Variants in RGS17 observed in about 807,000 individuals in gnomAD.
RGS17 encodes regulator of G-protein signaling 17.
In RGS17, 12 loss-of-function variants were observed where a neutral mutation model predicts 25.5. That is an observed-to-expected ratio of 0.47 (90% CI 0.30 to 0.76). The LOEUF (loss-of-function observed/expected upper bound fraction) is 0.76. Ranked by LOEUF, RGS17 falls within the 30% of genes least tolerant of loss-of-function variation. The probability of loss-of-function intolerance (pLI) is 0.07; values close to 1 mark genes in which losing one functional copy is unlikely to be tolerated. For synonymous variants in RGS17, 71 were observed against 76.9 expected, an observed-to-expected ratio of 0.92 and a Z score of 0.40; for missense variants, 196 against 242.2, an observed-to-expected ratio of 0.81 and a Z score of 1.27.
chr6:153,026,298 G>T (rs1338269695), intron 3 of RGS17, among the ~76,000 whole-genome samples, 156 bp downstream of exon 3: 1 of 152,112 alleles, frequency 6.6e-6, no homozygotes, highest in African/African-American at 2.4e-5. Context: ...AAAAGCAACA[G>T]CAATGACAAA....
chr6:153,128,816 A>G (rs549208964), intron 1 of RGS17, among the ~76,000 whole-genome samples: 2 of 152,208 alleles, frequency 1.3e-5, no homozygotes, highest in Non-Finnish European at 2.9e-5. Context: ...GAAGAGCCCT[A>G]CAACCAAAGA....
At chr6:153,082,280 C>T (rs1034157194) in intron 1 of RGS17, among the ~76,000 whole-genome samples, 3 of 152,102 alleles carry the variant, frequency 2.0e-5, no homozygotes, top group African/African-American at 7.2e-5. Flanking sequence ...AAACTGTTGG[C>T]TATTAGTTCT....
At chr6:153,110,114 C>T (rs535804775) in intron 1 of RGS17, among the ~76,000 whole-genome samples, 6 of 152,246 alleles carry the variant, frequency 3.9e-5, no homozygotes, top group East Asian at 1.9e-4. Context: ...TTGCTTTTCA[C>T]GGCCAAGAAG....
intron 4 of RGS17, among the ~76,000 whole-genome samples, chr6:153,020,434 TG>T (rs1237381359): frequency 6.6e-6 from 1 of 151,868 alleles, no homozygotes; most frequent in Non-Finnish European, 1.5e-5. Context: ...ATTACAGGTG[TG>T]AGCCACCGCG....
At chr6:153,042,224 A>G (rs1460292903) in intron 2 of RGS17, among the ~76,000 whole-genome samples, 3 of 152,182 alleles carry the variant, frequency 2.0e-5, no homozygotes, top group Non-Finnish European at 4.4e-5. Context: ...TCCATCTTAA[A>G]TTATTAAGGC....
chr6:153,070,285 C>A (rs1256237637), intron 1 of RGS17, among the ~76,000 whole-genome samples: 3 of 151,800 alleles, frequency 2.0e-5, no homozygotes, highest in Non-Finnish European at 4.4e-5. Context: ...CATGGAAGAG[C>A]ACTGGTAATG....
intron 2 of RGS17, among the ~76,000 whole-genome samples, chr6:153,031,806 T>C (rs1484074649): frequency 6.6e-6 from 1 of 152,164 alleles, no homozygotes; most frequent in Non-Finnish European, 1.5e-5. Context: ...TATCACTCCA[T>C]AGGAGCTGTT....
chr6:153,013,330 CTTAA>C (rs1779153104), intron 4 of RGS17, among the ~76,000 whole-genome samples: 1 of 152,118 alleles, frequency 6.6e-6, no homozygotes. Flanking sequence ...TTAATTAATT[CTTAA>C]TTGATGACTA....
intron 4 of RGS17, among the ~76,000 whole-genome samples, chr6:153,021,304 T>C (rs1051583962): frequency 3.1e-4 from 47 of 152,158 alleles, no homozygotes; most frequent in African/African-American, 1.1e-3. Context: ...CTCTCCAATG[T>C]TAGAAAACAA....
intron 1 of RGS17, among the ~76,000 whole-genome samples, chr6:153,111,012 A>AT (rs2129125366): frequency 1.3e-5 from 2 of 151,218 alleles, no homozygotes; most frequent in African/African-American, 4.9e-5. Flanking sequence ...CTGGGCAGCC[A>AT]TTTGGGCAGA....
chr6:153,110,988 T>C (rs1178356251), intron 1 of RGS17, among the ~76,000 whole-genome samples: 1 of 151,730 alleles, frequency 6.6e-6, no homozygotes, highest in Non-Finnish European at 1.5e-5. Flanking sequence ...GGGCCCTGGG[T>C]TTCGAGCACA....
At chr6:153,107,230 G>C (rs1214616536) in intron 1 of RGS17, among the ~76,000 whole-genome samples, 1 of 151,984 alleles carries the variant, frequency 6.6e-6, no homozygotes, top group Non-Finnish European at 1.5e-5. Flanking sequence ...CTACTCGGGA[G>C]GCTGAGGCAG....
chr6:153,118,866 G>A (rs1348702208), intron 1 of RGS17, among the ~76,000 whole-genome samples: 1 of 151,872 alleles, frequency 6.6e-6, no homozygotes, highest in African/African-American at 2.4e-5. Context: ...TTTGGTGTAG[G>A]ATTATTATAC....
intron 1 of RGS17, among the ~76,000 whole-genome samples, chr6:153,084,810 G>A (rs1409628858): frequency 1.3e-5 from 2 of 152,126 alleles, no homozygotes; most frequent in Non-Finnish European, 2.9e-5. Context: ...AGCCTTAAGT[G>A]GTGCAAGAAC....
chr6:153,117,654 T>C (rs1372942721), intron 1 of RGS17, among the ~76,000 whole-genome samples: 1 of 152,214 alleles, frequency 6.6e-6, no homozygotes, highest in Non-Finnish European at 1.5e-5. Flanking sequence ...CCAGTGTTCT[T>C]GATATTCTCA....
chr6:153,011,536 C>T lies in RGS17; in HGVS notation c.*38G>A. On this transcript the variant is annotated 3_prime_UTR_variant, in exon 5 of 5. Coordinates refer to ENST00000206262, the MANE Select transcript of RGS17 (RefSeq NM_012419.5). ...ATGTTATTTAACTACTTTTATTTCC[C>T]ATCTCAGCCCTCCAAAATGATTGTT... 7.1e-7 allele frequency: 1 copy of T among 1,402,918 alleles called. No individual in the cohort carries two copies. The highest frequency in any genetic ancestry group is 9.9e-7 in the Non-Finnish European group (1 of 1,005,640). 86.9% of individuals were successfully genotyped at this position (1,402,918 alleles called of 1,614,324 possible).
chr6:153,023,641 G>C (rs547340456), intron 4 of RGS17, among the ~76,000 whole-genome samples: 1 of 152,296 alleles, frequency 6.6e-6, no homozygotes, highest in African/African-American at 2.4e-5. Flanking sequence ...AGAAAACCTA[G>C]AATAAGTAAT....
At chr6:153,088,131 C>T (rs969093981) in intron 1 of RGS17, among the ~76,000 whole-genome samples, 1 of 152,174 alleles carries the variant, frequency 6.6e-6, no homozygotes, top group African/African-American at 2.4e-5. Flanking sequence ...TAGGGGTCTC[C>T]TGCTAACATC....
chr6:153,109,652 G>GA (rs201383232), intron 1 of RGS17, among the ~76,000 whole-genome samples: 6 of 114,308 alleles, frequency 5.2e-5, no homozygotes, highest in East Asian at 7.0e-4. Context: ...AAAGCCATTA[G>GA]AAAAAAACAA....
Sources: gnomAD v4.1 joint callset for allele counts (sites outside exome capture counted in the v4.1 genomes callset) on GRCh38, gnomAD v4.1.1 for gene constraint, MANE v1.5 for transcripts, NCBI Gene and HGNC (gene_info 2026-07-23, HGNC 2026-07-21) for gene names.